The following DYNC1LI1 variants were observed in gnomAD, a reference collection of about 807,000 sequenced individuals.
DYNC1LI1 encodes the protein cytoplasmic dynein 1 light intermediate chain 1.
Under a neutral mutation model 63.8 loss-of-function variants are expected in DYNC1LI1, and 19 were observed. The observed-to-expected ratio is 0.30, with a 90% confidence interval of 0.21 to 0.44. DYNC1LI1 has a LOEUF of 0.44. Among genes scored for constraint, DYNC1LI1 ranks in the 20% least tolerant of loss-of-function variants. DYNC1LI1 has a pLI of 1.00. For synonymous variants in DYNC1LI1, 225 were observed against 232.3 expected, an observed-to-expected ratio of 0.97 and a Z score of 0.28; for missense variants, 565 against 630.2, an observed-to-expected ratio of 0.90 and a Z score of 1.11.
chr3:32,537,031 A>G lies in DYNC1LI1; in HGVS notation c.812T>C (p.Ile271Thr), dbSNP rs749162236. The G allele has an allele frequency of 1.3e-6, 2 of 1,593,016 alleles. No individual in the cohort carries two copies. The highest frequency in any genetic ancestry group is 1.1e-5 in the South Asian group (1 of 88,616). ...GATACACTGTAAACAAAACTTCCGG[A>G]TATGTGACTGAATAAAATCAAAATG... ...DEHFDFIQSH[I>T]RKFCLQYGAA... The change falls in exon 6 of 13, where the codon ATC becomes ACC. Residue 271 changes from isoleucine (I) to threonine (T), a missense_variant. Coordinates refer to ENST00000273130, the MANE Select transcript of DYNC1LI1 (RefSeq NM_016141.4).
At chr3:32,541,716 T>C (rs2125436130) in intron 4 of DYNC1LI1, among the ~76,000 whole-genome samples, 1 of 152,314 alleles carries the variant, frequency 6.6e-6, no homozygotes, top group Non-Finnish European at 1.5e-5. Context: ...ATATTACCAG[T>C]GCTGATCAGT....
chr3:32,534,091 C>T (rs1697741925), intron 7 of DYNC1LI1, among the ~76,000 whole-genome samples: 2 of 151,524 alleles, frequency 1.3e-5, no homozygotes, highest in South Asian at 4.2e-4. Flanking sequence ...GTTGGCCAGG[C>T]TTGTCTCGAA....
chr3:32,552,882 T>G (rs185358752), intron 2 of DYNC1LI1, among the ~76,000 whole-genome samples: 1 of 152,228 alleles, frequency 6.6e-6, no homozygotes, highest in African/African-American at 2.4e-5. Flanking sequence ...ATTTTTTTAT[T>G]TTTAGTAGAG....
chr3:32,558,345 G>A (rs1362000199), intron 2 of DYNC1LI1, among the ~76,000 whole-genome samples: 1 of 149,114 alleles, frequency 6.7e-6, no homozygotes, highest in East Asian at 2.0e-4. Context: ...AAGCTTCTCA[G>A]GCCACATGGG....
intron 2 of DYNC1LI1, among the ~76,000 whole-genome samples, chr3:32,546,437 A>G (rs1398968908): frequency 6.6e-6 from 1 of 151,616 alleles, no homozygotes; most frequent in African/African-American, 2.4e-5. Flanking sequence ...AAAGATGCAG[A>G]CTCCATCATG....
chr3:32,562,657 A>G (rs1698209002), intron 2 of DYNC1LI1, among the ~76,000 whole-genome samples: 1 of 152,136 alleles, frequency 6.6e-6, no homozygotes, highest in Non-Finnish European at 1.5e-5. Flanking sequence ...CCTTTTTTTA[A>G]ATTTCTCTGG....
At chr3:32,532,751 A>G (rs1384866135) in intron 8 of DYNC1LI1, 2 of 561,164 alleles carry the variant, frequency 3.6e-6, no homozygotes, top group Non-Finnish European at 5.3e-6. Context: ...TGCACTAACA[A>G]TTGCTAATAT....
Position 32,570,845 on chromosome 3 carries a change from G to T in DYNC1LI1, c.-75C>A. On this transcript the variant is annotated 5_prime_UTR_variant, in exon 1 of 13. Coordinates refer to ENST00000273130, the MANE Select transcript of DYNC1LI1 (RefSeq NM_016141.4). The stretch of plus-strand genomic sequence containing the variant: ...CTGAGGCGGTGGCGGTGGAGGCGGC[G>T]GGAACCCGGATATGGGGCGTTCAGC... 1 of 1,520,706 alleles carries T rather than the reference G, an allele frequency of 6.6e-7. No individual in the cohort carries two copies. The highest frequency in any genetic ancestry group is 8.8e-7 in the Non-Finnish European group (1 of 1,130,954). 94.2% of individuals were successfully genotyped at this position (1,520,706 alleles called of 1,614,324 possible).
intron 2 of DYNC1LI1, among the ~76,000 whole-genome samples, chr3:32,547,958 T>G (rs1257299220): frequency 6.6e-6 from 1 of 152,114 alleles, no homozygotes; most frequent in Non-Finnish European, 1.5e-5. Context: ...TGTGGGTATG[T>G]GTATGTATAA....
In DYNC1LI1 at chr3:32,545,347, G is replaced by A. The variant is rs1697938250; in HGVS notation, c.338-241C>T. 25 of 537,600 alleles carry A rather than the reference G, an allele frequency of 4.7e-5. No homozygotes were observed. In the South Asian group the frequency reaches 5.8e-4, roughly 12 times the overall value. The allele number at this position is 537,600 out of a possible 1,614,324, so 33.3% of individuals were successfully genotyped here. On this transcript the variant is annotated intron_variant, in intron 3 of 12. Coordinates refer to ENST00000273130, the MANE Select transcript of DYNC1LI1 (RefSeq NM_016141.4). ...TCTAAAGGCCTAAAATGACTTAACT[G>A]TAGCATCCTCTACTTCATATTTCTT...
chr3:32,555,897 A>G (rs1228270298), intron 2 of DYNC1LI1, among the ~76,000 whole-genome samples: 1 of 152,256 alleles, frequency 6.6e-6, no homozygotes, highest in African/African-American at 2.4e-5. Context: ...ATATATGCGT[A>G]TTAACTGTAA....
At chr3:32,555,824 G>A (rs1209942083) in intron 2 of DYNC1LI1, among the ~76,000 whole-genome samples, 3 of 152,234 alleles carry the variant, frequency 2.0e-5, no homozygotes, top group African/African-American at 7.2e-5. Flanking sequence ...AAATGGGTAA[G>A]AGAGCAGGAC....
chr3:32,532,504 T>C (rs1697714140), intron 8 of DYNC1LI1: 1 of 147,310 alleles, frequency 6.8e-6, no homozygotes, highest in African/African-American at 2.5e-5. Context: ...TATATATATA[T>C]ATAAAATTGA....
chr3:32,529,750 T>A, intron 10 of DYNC1LI1, 90 bp from the exon 11 acceptor site: 1 of 1,161,492 alleles, frequency 8.6e-7, no homozygotes. Flanking sequence ...ACTTTGCAAC[T>A]ATCCCCTGTT....
At chr3:32,538,066 ATTATATATATATATAAAATT>A (rs1559436639) in intron 5 of DYNC1LI1, among the ~76,000 whole-genome samples, 1 of 76,486 alleles carries the variant, frequency 1.3e-5, no homozygotes, top group African/African-American at 4.8e-5. Flanking sequence ...TATATAATTT[ATTATATATATATATAAAATT>A]TATATATATA....
rs750632491 is a variant in DYNC1LI1 at position 32,526,925 on chromosome 3, G to GA, written c.1463-18dup. ...GCTTCTGGCCTACATTGAAGAAAAA[G>GA]AAAAAAAACAAGATTTAGATATAAG... On this transcript the variant is annotated splice_polypyrimidine_tract_variant and intron_variant, in intron 12 of 12. Coordinates refer to ENST00000273130, the MANE Select transcript of DYNC1LI1 (RefSeq NM_016141.4). 116 of 1,548,966 alleles carry GA rather than the reference G, an allele frequency of 7.5e-5. 1 individual carries two copies. Among genetic ancestry groups the GA allele is most frequent in the East Asian group, 9.0e-5 (4 of 44,480 alleles).
rs574767853 is a variant in DYNC1LI1, at chr3:32,570,185, T to C, written c.220+161A>G. ...CGCAGGTCCTGGGTCAAGGGTCTCG[T>C]GTTCCCCTTCTCTCCCAGCCATCCG... On this transcript the variant is annotated intron_variant, in intron 2 of 12. Coordinates refer to ENST00000273130, the MANE Select transcript of DYNC1LI1 (RefSeq NM_016141.4). The C allele has an allele frequency of 5.2e-5, 38 of 727,174 alleles. No homozygotes were observed. In the Admixed American group the frequency reaches 6.5e-4, roughly 12 times the overall value. 45.0% of individuals were successfully genotyped at this position (727,174 alleles called of 1,614,324 possible).
intron 5 of DYNC1LI1, among the ~76,000 whole-genome samples, chr3:32,538,438 C>T (rs910898858): frequency 1.3e-4 from 20 of 151,884 alleles, no homozygotes; most frequent in Non-Finnish European, 1.2e-4. Context: ...CGGTGGCTCA[C>T]GCCTGTAATC....
At chr3:32,565,741 C>G (rs1698249759) in intron 2 of DYNC1LI1, among the ~76,000 whole-genome samples, 1 of 152,120 alleles carries the variant, frequency 6.6e-6, no homozygotes, top group African/African-American at 2.4e-5. Context: ...TCCTGAGTAG[C>G]TGGGACTACA....
Sources: allele counts gnomAD v4.1 joint callset (sites outside exome capture counted in the v4.1 genomes callset), GRCh38; gene constraint gnomAD v4.1.1; transcripts MANE v1.5; gene names NCBI Gene and HGNC (gene_info 2026-07-23, HGNC 2026-07-21).